RNLS: variants seen among roughly 807,000 people sequenced by gnomAD.
The protein encoded by RNLS is renalase.
A neutral mutation model predicts 39.8 loss-of-function variants in RNLS; 39 were observed. The observed-to-expected ratio is 0.98, with a 90% CI of 0.76 to 1.28. The LOEUF (loss-of-function observed/expected upper bound fraction) is 1.28, where lower values mean the gene tolerates loss of function less well. Ranked by LOEUF, RNLS falls within the 50% of genes most tolerant of loss-of-function variation. RNLS has a pLI of 0.00. For missense variants in RNLS, 410 were observed against 413.3 expected (o/e 0.99, Z 0.07); for synonymous variants, 147 against 150.7 (o/e 0.98, Z 0.18).
chr10:88,459,759 G>A (rs1387585517), intron 4 of RNLS, among the ~76,000 whole-genome samples: 1 of 152,090 alleles, frequency 6.6e-6, no homozygotes, highest in East Asian at 1.9e-4. Context: ...AAGCTATCAG[G>A]TCAGCCTTCT....
At chr10:88,351,555 T>C (rs1848708797) in intron 5 of RNLS, among the ~76,000 whole-genome samples, 2 of 152,216 alleles carry the variant, frequency 1.3e-5, no homozygotes, top group Non-Finnish European at 2.9e-5. Flanking sequence ...TGTGGTATTA[T>C]TTCTGAGGGC....
intron 4 of RNLS, among the ~76,000 whole-genome samples, chr10:88,457,880 A>C (rs1439167716): frequency 6.6e-6 from 1 of 152,212 alleles, no homozygotes; most frequent in African/African-American, 2.4e-5. Context: ...GACAGCAGGC[A>C]GCACAGAGGA....
intron 4 of RNLS, among the ~76,000 whole-genome samples, chr10:88,480,470 G>C (rs1844092138): frequency 6.6e-6 from 1 of 152,336 alleles, no homozygotes; most frequent in East Asian, 1.9e-4. Flanking sequence ...TGCCTAGGCG[G>C]GAGTGCAATG....
At chr10:88,436,711 C>A (rs1187026346) in intron 4 of RNLS, among the ~76,000 whole-genome samples, 1 of 151,924 alleles carries the variant, frequency 6.6e-6, no homozygotes, top group African/African-American at 2.4e-5. Flanking sequence ...GGTCTTTGTC[C>A]CTCAGAATTC....
intron 4 of RNLS, among the ~76,000 whole-genome samples, chr10:88,555,732 T>G (rs1167775479): frequency 1.3e-5 from 2 of 152,122 alleles, no homozygotes; most frequent in Non-Finnish European, 2.9e-5. Flanking sequence ...GAAACTATAG[T>G]CAGTATTTGG....
At chr10:88,521,005 T>C (rs1388980545) in intron 4 of RNLS, among the ~76,000 whole-genome samples, 1 of 151,996 alleles carries the variant, frequency 6.6e-6, no homozygotes, top group African/African-American at 2.4e-5. Context: ...TTATGAAAAA[T>C]GTGCTTAAAA....
exon 7 of RNLS, chr10:88,274,994 G>C: frequency 1.2e-6 from 2 of 1,613,358 alleles, no homozygotes; most frequent in South Asian, 1.1e-5. Context: ...TCATCCAGGG[G>C]CTCTTCGCAC....
intron 4 of RNLS, among the ~76,000 whole-genome samples, chr10:88,394,188 C>T (rs1377555967): frequency 6.6e-6 from 1 of 152,108 alleles, no homozygotes; most frequent in African/African-American, 2.4e-5. Flanking sequence ...CCAAAATTGA[C>T]AAATAGGATC....
intron 4 of RNLS, among the ~76,000 whole-genome samples, chr10:88,400,624 T>A (rs565645066): frequency 2.0e-5 from 3 of 152,140 alleles, no homozygotes; most frequent in Non-Finnish European, 4.4e-5. Flanking sequence ...ATTTGTCAAA[T>A]GCAGGGATAA....
At chr10:88,484,570 A>G (rs1271556784) in intron 4 of RNLS, among the ~76,000 whole-genome samples, 1 of 151,950 alleles carries the variant, frequency 6.6e-6, no homozygotes, top group Non-Finnish European at 1.5e-5. Context: ...TCTTCTCCCC[A>G]CTCCTAGCTA....
At chr10:88,521,731 T>C (rs1295375952) in intron 4 of RNLS, among the ~76,000 whole-genome samples, 1 of 151,908 alleles carries the variant, frequency 6.6e-6, no homozygotes, top group African/African-American at 2.4e-5. Flanking sequence ...AGACAGAAAG[T>C]ATAAACATAA....
the RNLS span, among the ~76,000 whole-genome samples, chr10:88,181,524 TG>T: frequency 6.6e-6 from 1 of 152,202 alleles, no homozygotes; most frequent in Non-Finnish European, 1.5e-5. Context: ...ACACACCTTT[TG>T]TTGTATACCT....
chr10:88,489,853 G>A (rs1275702420), intron 4 of RNLS, among the ~76,000 whole-genome samples: 3 of 152,074 alleles, frequency 2.0e-5, no homozygotes, highest in African/African-American at 4.8e-5. Flanking sequence ...TTTTTTGTGA[G>A]GCAAGACGGA....
Position 88,573,080 on chromosome 10 carries a change from C to A in RNLS, c.368-19G>T. The A allele has an allele frequency of 6.2e-7, 1 of 1,610,346 alleles. No individual in the cohort carries two copies. The highest frequency in any genetic ancestry group is 1.1e-5 in the South Asian group (1 of 90,598). ...TCTGCACCTGTTCCAAAAGCAAAAT[C>A]ATGTCCCCATTATCAGAATTGCATA... On this transcript the variant is annotated intron_variant, in intron 3 of 6. Transcript: ENST00000331772.
chr10:88,312,194 T>C lies in RNLS; in HGVS notation c.876+2272A>G, dbSNP rs79325122. On this transcript the variant is annotated intron_variant, in intron 6 of 6. Coordinates refer to ENST00000331772, the MANE Select transcript of RNLS (RefSeq NM_001031709.3). The stretch of plus-strand genomic sequence containing the variant: ...AGCTGAAGCTGAGATGGGATAAGTA[T>C]CTTGGACCACACAGGTGGGCCCAAT... Among the ~76,000 whole-genome samples, 191 of 152,340 alleles carry C rather than the reference T, an allele frequency of 1.3e-3. 2 individuals carry two copies. The highest frequency in any genetic ancestry group is 4.3e-3 in the African/African-American group (177 of 41,584).
intron 6 of RNLS, among the ~76,000 whole-genome samples, chr10:88,310,852 C>T (rs1387038146): frequency 9.9e-6 from 1 of 101,394 alleles, no homozygotes; most frequent in East Asian, 3.2e-4. Context: ...AGAAAAGGTA[C>T]AAGCTCAGGG....
chr10:88,576,601 T>A (rs1324227733), intron 3 of RNLS, among the ~76,000 whole-genome samples: 1 of 152,192 alleles, frequency 6.6e-6, no homozygotes, highest in Non-Finnish European at 1.5e-5. Context: ...TTTCATGCCA[T>A]CCTCTAGCTT....
At chr10:88,421,123 A>C (rs147246851) in intron 4 of RNLS, among the ~76,000 whole-genome samples, 1 of 152,334 alleles carries the variant, frequency 6.6e-6, no homozygotes, top group Non-Finnish European at 1.5e-5. Flanking sequence ...TCTGCCAGCA[A>C]AGTAACAGCT....
intron 6 of RNLS, among the ~76,000 whole-genome samples, chr10:88,290,963 G>A (rs1250312927): frequency 6.6e-6 from 1 of 152,104 alleles, no homozygotes; most frequent in Non-Finnish European, 1.5e-5. Context: ...TCCTCAAATT[G>A]TTCTTAAGTA....
Sources: allele counts gnomAD v4.1 joint callset (sites outside exome capture counted in the v4.1 genomes callset), GRCh38; gene constraint gnomAD v4.1.1; transcripts MANE v1.5; gene names NCBI Gene and HGNC (gene_info 2026-07-23, HGNC 2026-07-21).